Variants in RBFOX1 observed in about 807,000 individuals in gnomAD.
The protein encoded by RBFOX1 is RNA binding protein fox-1 homolog 1.
In RBFOX1, 8 loss-of-function variants were observed where a neutral mutation model predicts 57.7. The observed-to-expected ratio is 0.14, with a 90% CI of 0.08 to 0.25. RBFOX1 has a LOEUF of 0.25. Among genes scored for constraint, RBFOX1 ranks in the 10% least tolerant of loss-of-function variants. The pLI is 1.00. For missense variants in RBFOX1, 611 were observed against 548.5 expected, an observed-to-expected ratio of 1.11 and a Z score of -1.14; for synonymous variants, 326 against 222.4, an observed-to-expected ratio of 1.47 and a Z score of -4.15.
intron 4 of RBFOX1, among the ~76,000 whole-genome samples, chr16:7,437,914 A>C (rs1311343851): frequency 6.6e-6 from 1 of 152,152 alleles, no homozygotes; most frequent in Non-Finnish European, 1.5e-5. Flanking sequence ...GCTTAAAAAA[A>C]AAAAAAGCAC....
chr16:5,666,245 G>A (rs1248187675), intron 3 of RBFOX1, among the ~76,000 whole-genome samples: 2 of 152,228 alleles, frequency 1.3e-5, no homozygotes, highest in African/African-American at 4.8e-5. Context: ...AGTTCCCAGT[G>A]TGTGGAGTAA....
chr16:6,768,894 A>G (rs2077825062), intron 3 of RBFOX1, among the ~76,000 whole-genome samples: 1 of 151,798 alleles, frequency 6.6e-6, no homozygotes, highest in Non-Finnish European at 1.5e-5. Flanking sequence ...ATGCTCGGCT[A>G]ATTTTTGTAT....
intron 2 of RBFOX1, among the ~76,000 whole-genome samples, chr16:5,572,838 T>C (rs2046327791): frequency 6.6e-6 from 1 of 151,950 alleles, no homozygotes; most frequent in African/African-American, 2.4e-5. Context: ...GTGGACTATG[T>C]AGGAATAGAA....
At chr16:7,308,598 G>C (rs2096246129) in intron 4 of RBFOX1, among the ~76,000 whole-genome samples, 1 of 152,194 alleles carries the variant, frequency 6.6e-6, no homozygotes, top group African/African-American at 2.4e-5. Context: ...GTTTTAAGTA[G>C]TGAAGTGGTT....
intron 2 of RBFOX1, among the ~76,000 whole-genome samples, chr16:6,504,146 C>A (rs539066722): frequency 6.6e-6 from 1 of 152,132 alleles, no homozygotes; most frequent in Non-Finnish European, 1.5e-5. Flanking sequence ...CCTCTAGTGA[C>A]AAAGAACAAC....
intron 4 of RBFOX1, among the ~76,000 whole-genome samples, chr16:7,358,593 T>C (rs912083103): frequency 6.6e-6 from 1 of 152,152 alleles, no homozygotes; most frequent in African/African-American, 2.4e-5. Context: ...CTAATTTTTG[T>C]ATTTTTTGTA....
At chr16:6,414,172 G>A (rs2093555589) in intron 2 of RBFOX1, among the ~76,000 whole-genome samples, 3 of 152,186 alleles carry the variant, frequency 2.0e-5, no homozygotes, top group Admixed American at 2.0e-4. Flanking sequence ...TTTAAGCAGG[G>A]GAAGATGATC....
intron 1 of RBFOX1, among the ~76,000 whole-genome samples, chr16:6,129,168 C>G (rs559340552): frequency 3.7e-4 from 57 of 152,042 alleles, no homozygotes; most frequent in African/African-American, 1.4e-3. Flanking sequence ...TAGCAAGATA[C>G]AAAATAAAGC....
chr16:6,789,139 G>A (rs1050145999), intron 3 of RBFOX1, among the ~76,000 whole-genome samples: 2 of 150,540 alleles, frequency 1.3e-5, no homozygotes, highest in South Asian at 2.2e-4. Flanking sequence ...AAAAATTACC[G>A]CCTGCCCACT....
chr16:7,194,815 C>T (rs139010292), intron 4 of RBFOX1, among the ~76,000 whole-genome samples: 58 of 151,682 alleles, frequency 3.8e-4, no homozygotes, highest in African/African-American at 1.4e-3. Flanking sequence ...GTGGTTCTCG[C>T]CACTAGGGAG....
At chr16:6,208,406 T>C (rs910747133) in intron 1 of RBFOX1, among the ~76,000 whole-genome samples, 4 of 107,156 alleles carry the variant, frequency 3.7e-5, no homozygotes. Context: ...TATTTATTCA[T>C]TCAGCAAGCA....
In RBFOX1 at chr16:7,510,512, G is replaced by GTGTGT. The variant is rs1555532568; in HGVS notation, c.28-7635_28-7634insTGTGT. On this transcript the variant is annotated intron_variant, in intron 4 of 15. Coordinates refer to ENST00000550418, the MANE Select transcript of RBFOX1 (RefSeq NM_018723.4). The stretch of plus-strand genomic sequence containing the variant: ...CTGTGTGTGTGTGTGTGTGTGTGTG[G>GTGTGT]GCGCGCGCGCACGCGCGCACGCGCG... Among the ~76,000 whole-genome samples the GTGTGT allele has an allele frequency of 3.8e-5, 5 of 130,134 alleles. No individual in the cohort carries two copies. The South Asian group carries it at 9.3e-4, about 24-fold the overall frequency. The allele number at this position is 130,134 out of a possible 152,430, so 85.4% of individuals were successfully genotyped here. A position where few individuals can be genotyped will look rare whatever the true frequency, so the allele number is the denominator to read the frequency against.
At chr16:6,100,008 A>G (rs963536960) in intron 1 of RBFOX1, among the ~76,000 whole-genome samples, 2 of 152,368 alleles carry the variant, frequency 1.3e-5, no homozygotes, top group East Asian at 1.9e-4. Flanking sequence ...AACAAGATGC[A>G]TGGAAGATGT....
intron 3 of RBFOX1, among the ~76,000 whole-genome samples, chr16:6,860,065 G>T (rs76839689): frequency 6.6e-6 from 1 of 152,184 alleles, no homozygotes; most frequent in Non-Finnish European, 1.5e-5. Flanking sequence ...CGAGGTAAGT[G>T]AAGAGAGAGC....
At chr16:6,676,968 G>A (rs148518967) in intron 3 of RBFOX1, among the ~76,000 whole-genome samples, 2,500 of 152,050 alleles carry the variant, frequency 0.016, 68 homozygotes, top group African/African-American at 0.056. Flanking sequence ...GAGCCACCAT[G>A]CCCAGCCGTT....
At chr16:5,290,614 G>A (rs1302878730) in intron 1 of RBFOX1, among the ~76,000 whole-genome samples, 1 of 152,078 alleles carries the variant, frequency 6.6e-6, no homozygotes, top group Non-Finnish European at 1.5e-5. Flanking sequence ...AGAGGCCTAG[G>A]GGGTGGGATG....
intron 4 of RBFOX1, among the ~76,000 whole-genome samples, chr16:7,073,909 G>A (rs1179560638): frequency 9.1e-6 from 1 of 109,846 alleles, no homozygotes; most frequent in Non-Finnish European, 2.0e-5. Context: ...AAAAAAAATT[G>A]ACTGACAATC....
At chr16:7,177,063 A>C (rs1205973658) in intron 4 of RBFOX1, among the ~76,000 whole-genome samples, 1 of 152,242 alleles carries the variant, frequency 6.6e-6, no homozygotes, top group Non-Finnish European at 1.5e-5. Flanking sequence ...AAATAAATTC[A>C]GACATTGCCT....
chr16:6,576,180 C>T (rs946696673), intron 2 of RBFOX1, among the ~76,000 whole-genome samples: 1 of 152,090 alleles, frequency 6.6e-6, no homozygotes, highest in Non-Finnish European at 1.5e-5. Context: ...CATTTTGCAA[C>T]CTGCTTATTC....
Sources: allele counts gnomAD v4.1 joint callset (sites outside exome capture counted in the v4.1 genomes callset), GRCh38; gene constraint gnomAD v4.1.1; transcripts MANE v1.5; gene names NCBI Gene and HGNC (gene_info 2026-07-23, HGNC 2026-07-21).